Variants in TTC29 observed in about 807,000 individuals in gnomAD.
The protein encoded by TTC29 is tetratricopeptide repeat protein 29.
Under a neutral mutation model 58.1 loss-of-function variants are expected in TTC29, and 49 were observed. That is an observed-to-expected ratio of 0.84 (90% CI 0.67 to 1.07). The LOEUF is 1.07. Among genes scored for constraint, TTC29 ranks in the 50% least tolerant of loss-of-function variants. TTC29 has a pLI of 0.00. For synonymous variants in TTC29, 209 were observed against 196.8 expected (o/e 1.06, Z -0.52); for missense variants, 582 against 555.6 (o/e 1.05, Z -0.48).
intron 6 of TTC29, among the ~76,000 whole-genome samples, chr4:146,892,767 C>T (rs977521669): frequency 2.0e-5 from 3 of 152,094 alleles, no homozygotes; most frequent in African/African-American, 4.8e-5. Context: ...GATGACATGA[C>T]TTTATATCTA....
chr4:146,921,046 C>G (rs1026929545), intron 4 of TTC29, among the ~76,000 whole-genome samples: 1 of 151,426 alleles, frequency 6.6e-6, no homozygotes, highest in African/African-American at 2.4e-5. Context: ...AACTACCGAA[C>G]TGTAAGTCAT....
chr4:146,767,584 T>C (rs760189339), intron 11 of TTC29, among the ~76,000 whole-genome samples: 1 of 152,070 alleles, frequency 6.6e-6, no homozygotes, highest in Non-Finnish European at 1.5e-5. Flanking sequence ...TTGGCATATA[T>C]GTACTCTGTT....
At position 146,874,775 on chromosome 4, in the gene TTC29, T is replaced by C; in HGVS notation, c.740A>G (p.Asn247Ser). 1 of 1,610,580 alleles carries C rather than the reference T, an allele frequency of 6.2e-7. No homozygotes were observed. Among genetic ancestry groups the C allele is most frequent in the South Asian group, 1.1e-5 (1 of 90,548 alleles). The change falls in exon 7 of 13, where the codon AAT (asparagine) becomes AGT (serine). Residue 247 changes from asparagine (N) to serine (S), a missense_variant. Coordinates refer to ENST00000325106, the MANE Select transcript of TTC29 (RefSeq NM_031956.4). The stretch of plus-strand genomic sequence containing the variant: ...TTTGATGGCCTGTTTGTATTCTTTA[T>C]TTTCTAGCATTTTGTCTGAGAGTAA... ...YRLLSDKMLE[N>S]KEYKQAIKIL...
chr4:146,772,800 G>A (rs1201912699), intron 11 of TTC29, among the ~76,000 whole-genome samples: 1 of 152,020 alleles, frequency 6.6e-6, no homozygotes, highest in Non-Finnish European at 1.5e-5. Flanking sequence ...CATTGAATCT[G>A]TAAGTTGCTT....
chr4:146,791,855 T>A lies in TTC29; in HGVS notation c.1330+11602A>T, dbSNP rs1749479798. 2.0e-5 allele frequency among the ~76,000 whole-genome samples: 3 copies of A among 152,200 alleles called. No individual in the cohort carries two copies. The South Asian group carries it at 6.2e-4, about 31-fold the overall frequency. ...CTGTATTGCTGATATGGAGAAACTT[T>A]TAGTGGTGTGGATAAAATATTAAAT... On this transcript the variant is annotated intron_variant, in intron 11 of 12. Coordinates refer to ENST00000325106, the MANE Select transcript of TTC29 (RefSeq NM_031956.4).
At chr4:146,737,788 G>T (rs1164489332) in intron 11 of TTC29, among the ~76,000 whole-genome samples, 1 of 152,108 alleles carries the variant, frequency 6.6e-6, no homozygotes, top group African/African-American at 2.4e-5. Flanking sequence ...TACAACAATG[G>T]GCAGAGATAT....
At chr4:146,885,868 C>T (rs1036332797) in intron 6 of TTC29, among the ~76,000 whole-genome samples, 1 of 152,026 alleles carries the variant, frequency 6.6e-6, no homozygotes, top group African/African-American at 2.4e-5. Flanking sequence ...TTTTTTGTCC[C>T]TATTATAAGA....
At chr4:146,860,075 TAAATCTGCC>T (rs1730127959) in intron 8 of TTC29, among the ~76,000 whole-genome samples, 1 of 152,152 alleles carries the variant, frequency 6.6e-6, no homozygotes, top group Non-Finnish European at 1.5e-5. Context: ...TTGTCAGTAT[TAAATCTGCC>T]AAGGTATTTG....
At chr4:146,785,516 G>A (rs574128794) in intron 11 of TTC29, among the ~76,000 whole-genome samples, 5 of 152,100 alleles carry the variant, frequency 3.3e-5, no homozygotes, top group Admixed American at 2.0e-4. Flanking sequence ...ATTTTCTTCT[G>A]CTCTATCCTC....
At position 146,797,191 on chromosome 4, in the gene TTC29, T is replaced by G. The variant is rs534731666; in HGVS notation, c.1330+6266A>C. ...CTGCCTGGTGGAAACTGAAGGTGCC[T>G]CTACAAAATCAGATTTCTCCATTTA... On this transcript the variant is annotated intron_variant, in intron 11 of 12. Transcript: ENST00000325106. Among the ~76,000 whole-genome samples, 6 of 152,362 alleles carry G rather than the reference T, an allele frequency of 3.9e-5. No individual in the cohort carries two copies. The East Asian group carries it at 1.2e-3, about 29-fold the overall frequency.
intron 7 of TTC29, among the ~76,000 whole-genome samples, chr4:146,869,877 G>A (rs1019622241): frequency 6.6e-6 from 1 of 152,070 alleles, no homozygotes; most frequent in Non-Finnish European, 1.5e-5. Context: ...AGAGAAAAAT[G>A]TCGGTAAGAA....
intron 11 of TTC29, among the ~76,000 whole-genome samples, chr4:146,763,603 G>T (rs918253143): frequency 2.6e-5 from 4 of 152,102 alleles, no homozygotes; most frequent in Admixed American, 2.6e-4. Context: ...CGATGAGCAG[G>T]TGTACTTATC....
intron 6 of TTC29, among the ~76,000 whole-genome samples, chr4:146,893,478 A>C (rs1033187270): frequency 6.6e-6 from 1 of 152,344 alleles, no homozygotes; most frequent in East Asian, 1.9e-4. Context: ...GGCTAGCCGT[A>C]TATATCAAAA....
intron 8 of TTC29, among the ~76,000 whole-genome samples, chr4:146,861,166 G>A (rs1001025617): frequency 1.9e-4 from 29 of 152,120 alleles, no homozygotes; most frequent in African/African-American, 6.0e-4. Flanking sequence ...ACATAAAAAC[G>A]AACGGCTAAG....
At chr4:146,751,536 C>A (rs962703142) in intron 11 of TTC29, among the ~76,000 whole-genome samples, 5 of 152,130 alleles carry the variant, frequency 3.3e-5, no homozygotes, top group Admixed American at 2.0e-4. Context: ...AAATCAATAA[C>A]ACAAGGTATC....
chr4:146,810,994 T>C (rs1277263089), intron 10 of TTC29, among the ~76,000 whole-genome samples: 1 of 152,218 alleles, frequency 6.6e-6, no homozygotes, highest in Non-Finnish European at 1.5e-5. Flanking sequence ...TCATATGCCA[T>C]TCTTCTTAAC....
chr4:146,783,045 C>T (rs985808936), intron 11 of TTC29, among the ~76,000 whole-genome samples: 1 of 151,922 alleles, frequency 6.6e-6, no homozygotes, highest in African/African-American at 2.4e-5. Flanking sequence ...ATTCAACATA[C>T]CACATCATAA....
At chr4:146,744,443 T>C (rs1745393454) in intron 11 of TTC29, among the ~76,000 whole-genome samples, 1 of 152,030 alleles carries the variant, frequency 6.6e-6, no homozygotes, top group Non-Finnish European at 1.5e-5. Context: ...AGATATAGAA[T>C]GAATAGGTAA....
Position 146,886,801 on chromosome 4 carries a change from A to G in TTC29, c.587-11873T>C, listed in dbSNP as rs368033456. On this transcript the variant is annotated intron_variant, in intron 6 of 12. Coordinates refer to ENST00000325106, the MANE Select transcript of TTC29 (RefSeq NM_031956.4). ...GGAGATGGTGTTGGGTAGTGGAAAA[A>G]AACAGTGAATCTAAGATCTAAAGAC... Among the ~76,000 whole-genome samples, 24 of 152,226 alleles carry G rather than the reference A, an allele frequency of 1.6e-4. No homozygotes were observed. In the South Asian group the frequency reaches 5.0e-3, roughly 32 times the overall value.
Sources: gnomAD v4.1 joint callset for allele counts (sites outside exome capture counted in the v4.1 genomes callset) on GRCh38, gnomAD v4.1.1 for gene constraint, MANE v1.5 for transcripts, NCBI Gene and HGNC (gene_info 2026-07-23, HGNC 2026-07-21) for gene names.